Variants in BBS9 observed in about 807,000 individuals in gnomAD.
The protein encoded by BBS9 is Bardet-Biedl syndrome 9.
In BBS9, 89 loss-of-function variants were observed where a neutral mutation model predicts 117.7. The ratio of observed to expected loss-of-function variants is 0.76; its 90% CI spans 0.64 to 0.90. BBS9 has a LOEUF of 0.90. Ranked by LOEUF, BBS9 falls within the 40% of genes least tolerant of loss-of-function variation. The probability of loss-of-function intolerance (pLI) is 0.00; values close to 1 mark genes in which losing one functional copy is unlikely to be tolerated. For synonymous variants in BBS9, 379 were observed against 370.9 expected, an observed-to-expected ratio of 1.02 and a Z score of -0.25; for missense variants, 982 against 1,042.2, an observed-to-expected ratio of 0.94 and a Z score of 0.80.
At chr7:33,163,082 A>G (rs1318821602) in intron 4 of BBS9, among the ~76,000 whole-genome samples, 1 of 152,182 alleles carries the variant, frequency 6.6e-6, no homozygotes, top group Admixed American at 6.5e-5. Flanking sequence ...ATCTATTGAG[A>G]TAATCATGTG....
At chr7:33,543,637 TC>T (rs2129075270) in intron 21 of BBS9, among the ~76,000 whole-genome samples, 1 of 152,354 alleles carries the variant, frequency 6.6e-6, no homozygotes, top group South Asian at 2.1e-4. Context: ...TAAGATTCTT[TC>T]CTTTGTCTTA....
chr7:33,484,766 C>T (rs2128981862), intron 19 of BBS9, among the ~76,000 whole-genome samples: 1 of 152,212 alleles, frequency 6.6e-6, no homozygotes, highest in Middle Eastern at 3.4e-3. Flanking sequence ...GCAGAAATAC[C>T]ATTTGACTGA....
chr7:33,301,800 G>C (rs889853371), intron 9 of BBS9, among the ~76,000 whole-genome samples: 1 of 151,956 alleles, frequency 6.6e-6, no homozygotes, highest in African/African-American at 2.4e-5. Flanking sequence ...AGAGGGAGTG[G>C]GATTGCTGGA....
At chr7:33,560,377 T>C (rs1011508430) in intron 21 of BBS9, among the ~76,000 whole-genome samples, 3 of 152,202 alleles carry the variant, frequency 2.0e-5, no homozygotes, top group Non-Finnish European at 2.9e-5. Flanking sequence ...CTTCCCTTTC[T>C]AAATGAAGAC....
At chr7:33,528,672 A>G (rs1850065435) in intron 20 of BBS9, among the ~76,000 whole-genome samples, 1 of 152,166 alleles carries the variant, frequency 6.6e-6, no homozygotes, top group Non-Finnish European at 1.5e-5. Context: ...CATAATGAAT[A>G]GTGTTATTGC....
At chr7:33,218,588 TTTAG>T (rs1356371143) in intron 5 of BBS9, among the ~76,000 whole-genome samples, 2 of 152,158 alleles carry the variant, frequency 1.3e-5, no homozygotes, top group Non-Finnish European at 2.9e-5. Flanking sequence ...ACAGAAGCCT[TTTAG>T]TTAGTTAGGA....
chr7:33,568,399 A>G (rs1857248000), intron 21 of BBS9, among the ~76,000 whole-genome samples: 1 of 152,124 alleles, frequency 6.6e-6, no homozygotes, highest in Non-Finnish European at 1.5e-5. Flanking sequence ...GTTTTCTCCT[A>G]GGTAACCCTA....
intron 9 of BBS9, among the ~76,000 whole-genome samples, chr7:33,289,781 C>T (rs535930164): frequency 1.6e-4 from 25 of 152,180 alleles, no homozygotes; most frequent in South Asian, 4.2e-4. Flanking sequence ...TGGTGGCTCA[C>T]GCCTGTAATC....
chr7:33,610,710 A>G (rs1163028402), downstream of BBS9, among the ~76,000 whole-genome samples: 1 of 152,092 alleles, frequency 6.6e-6, no homozygotes, highest in Non-Finnish European at 1.5e-5. Context: ...GAGGTATTCA[A>G]AATTCCCTTA....
chr7:33,344,588 C>T lies in BBS9; in HGVS notation c.1283C>T (p.Thr428Ile). Reference sequence around the variant, plus strand: ...TCAATTCTGTGTTTACAGCAAGCGACCGATGTTGAGGTGGGAACTGACCTT... The same window carrying T: ...TCAATTCTGTGTTTACAGCAAGCGATCGATGTTGAGGTGGGAACTGACCTT... ...SPNFDSVSQATDVEVGTDLVP... is the reference protein window; with the variant it reads ...SPNFDSVSQAIDVEVGTDLVP... The change falls in exon 12 of 23, where the codon ACC (threonine) becomes ATC (isoleucine). Residue 428 changes from threonine to isoleucine, a missense_variant. Transcript: ENST00000242067. The T allele has an allele frequency of 1.2e-6, 2 of 1,614,032 alleles. No homozygotes were observed. The highest frequency in any genetic ancestry group is 4.5e-5 in the East Asian group (2 of 44,852).
intron 5 of BBS9, among the ~76,000 whole-genome samples, chr7:33,192,572 A>G (rs1476004784): frequency 1.3e-5 from 2 of 152,202 alleles, no homozygotes; most frequent in Non-Finnish European, 2.9e-5. Flanking sequence ...CAGTCTATAT[A>G]CTTGGAATAA....
chr7:33,583,753 C>T (rs911065419), intron 21 of BBS9, among the ~76,000 whole-genome samples: 7 of 151,992 alleles, frequency 4.6e-5, no homozygotes, highest in African/African-American at 7.2e-5. Context: ...TTTAGAGCCA[C>T]GTTTTTGGTT....
At chr7:33,493,945 C>G (rs895234614) in intron 19 of BBS9, among the ~76,000 whole-genome samples, 3 of 152,202 alleles carry the variant, frequency 2.0e-5, no homozygotes, top group Non-Finnish European at 4.4e-5. Context: ...TTCTGATCAT[C>G]AAACTTCATT....
intron 9 of BBS9, among the ~76,000 whole-genome samples, chr7:33,289,631 T>G (rs1479650044): frequency 6.6e-6 from 1 of 152,246 alleles, no homozygotes; most frequent in East Asian, 1.9e-4. Flanking sequence ...TTCTCTCATC[T>G]TCTTATTCCA....
At chr7:33,546,815 T>C (rs1585206879) in intron 21 of BBS9, among the ~76,000 whole-genome samples, 1 of 152,244 alleles carries the variant, frequency 6.6e-6, no homozygotes, top group Admixed American at 6.5e-5. Flanking sequence ...AAATTTTCCA[T>C]CTGTGCTCCC....
intron 9 of BBS9, among the ~76,000 whole-genome samples, chr7:33,282,662 T>G (rs1802132774): frequency 6.6e-6 from 1 of 152,142 alleles, no homozygotes; most frequent in Non-Finnish European, 1.5e-5. Context: ...TGAGCCACCG[T>G]GTGTGGCCAT....
At chr7:33,325,663 C>A (rs1227417931) in intron 9 of BBS9, among the ~76,000 whole-genome samples, 3 of 152,100 alleles carry the variant, frequency 2.0e-5, no homozygotes, top group African/African-American at 7.2e-5. Context: ...TTGGGTGTTA[C>A]AATCTAGATT....
At chr7:33,321,819 G>A (rs1450811999) in intron 9 of BBS9, among the ~76,000 whole-genome samples, 1 of 151,852 alleles carries the variant, frequency 6.6e-6, no homozygotes, top group Non-Finnish European at 1.5e-5. Context: ...AAGGCTTTCG[G>A]TTTTTCCCAT....
At chr7:33,163,460 T>G (rs1161531410) in intron 4 of BBS9, among the ~76,000 whole-genome samples, 4 of 152,134 alleles carry the variant, frequency 2.6e-5, no homozygotes, top group Non-Finnish European at 4.4e-5. Context: ...CATCTGGTCT[T>G]GGACTTTTTT....
Sources: allele counts gnomAD v4.1 joint callset (sites outside exome capture counted in the v4.1 genomes callset), GRCh38; gene constraint gnomAD v4.1.1; transcripts MANE v1.5; gene names NCBI Gene and HGNC (gene_info 2026-07-23, HGNC 2026-07-21).